Variants in SUPT3H observed in about 807,000 individuals in gnomAD.
The protein encoded by SUPT3H is SPT3 homolog, SAGA and STAGA complex component.
A neutral mutation model predicts 44.3 loss-of-function variants in SUPT3H; 44 were observed. The ratio of observed to expected loss-of-function variants is 0.99; its 90% CI spans 0.78 to 1.28. The LOEUF (loss-of-function observed/expected upper bound fraction) is 1.28. Among genes scored for constraint, SUPT3H ranks in the 50% most tolerant of loss-of-function variants. The probability of loss-of-function intolerance (pLI) is 0.00; values close to 1 mark genes in which losing one functional copy is unlikely to be tolerated. For synonymous variants in SUPT3H, 124 were observed against 125.6 expected (o/e 0.99, Z 0.09); for missense variants, 380 against 387.1 (o/e 0.98, Z 0.15).
rs1781629758 is a variant in SUPT3H at position 45,298,477 on chromosome 6, GA to G, written c.101+66723del. Among the ~76,000 whole-genome samples the G allele has an allele frequency of 3.3e-5, 5 of 151,562 alleles. No individual in the cohort carries two copies. In the East Asian group the frequency reaches 9.7e-4, roughly 29 times the overall value. On this transcript the variant is annotated intron_variant, in intron 2 of 10. Coordinates refer to ENST00000371459, the MANE Select transcript of SUPT3H (RefSeq NM_003599.4). ...CAAAAATCAGAAAAGAGCCTTCCAA[GA>G]TGGGCCTAACACATATGAAGAATAT...
chr6:45,262,120 A>G (rs1003282943), intron 2 of SUPT3H, among the ~76,000 whole-genome samples: 3 of 152,170 alleles, frequency 2.0e-5, no homozygotes, highest in Admixed American at 6.6e-5. Context: ...GGATAGCAAG[A>G]ATCAATATTG....
chr6:44,983,365 CA>C (rs1779365160), intron 6 of SUPT3H, among the ~76,000 whole-genome samples: 1 of 152,038 alleles, frequency 6.6e-6, no homozygotes, highest in African/African-American at 2.4e-5. Flanking sequence ...TTATTGGACA[CA>C]TTTTAAGAAA....
chr6:45,050,195 G>C (rs993486519), intron 3 of SUPT3H, among the ~76,000 whole-genome samples: 7 of 151,918 alleles, frequency 4.6e-5, no homozygotes, highest in African/African-American at 1.7e-4. Context: ...ATCTAGGTAA[G>C]CTATAGCTTA....
intron 2 of SUPT3H, among the ~76,000 whole-genome samples, chr6:45,200,200 C>T (rs1762259772): frequency 6.6e-6 from 1 of 151,396 alleles, no homozygotes; most frequent in African/African-American, 2.4e-5. Context: ...ATTTCTTATT[C>T]AATTCTACAA....
At chr6:45,372,559 T>G (rs1305287932) in intron 1 of SUPT3H, among the ~76,000 whole-genome samples, 4 of 152,236 alleles carry the variant, frequency 2.6e-5, no homozygotes, top group Non-Finnish European at 4.4e-5. Flanking sequence ...TTGTATGTTA[T>G]TTTAGTTTAT....
chr6:45,335,475 T>G (rs753492467), intron 2 of SUPT3H, among the ~76,000 whole-genome samples: 4 of 151,274 alleles, frequency 2.6e-5, no homozygotes, highest in Middle Eastern at 3.2e-3. Context: ...AATTACAATT[T>G]TATTATAAGA....
intron 3 of SUPT3H, among the ~76,000 whole-genome samples, chr6:45,075,872 T>C (rs1297819141): frequency 6.6e-6 from 1 of 152,048 alleles, no homozygotes; most frequent in Non-Finnish European, 1.5e-5. Flanking sequence ...ATAATAATGA[T>C]CTAAAATTAC....
chr6:45,368,410 C>T lies in SUPT3H; in HGVS notation c.1-3109G>A, dbSNP rs558002006. Among the ~76,000 whole-genome samples the T allele has an allele frequency of 6.2e-4, 94 of 152,172 alleles. No homozygotes were observed. In the Middle Eastern group the frequency reaches 0.017, roughly 28 times the overall value. ...TAAAATGAAGGAATTTAAGGATGCA[C>T]GCCTTTCCTCAGAAAATATTGCTAT... On this transcript the variant is annotated intron_variant, in intron 1 of 10. Coordinates refer to ENST00000371459, the MANE Select transcript of SUPT3H (RefSeq NM_003599.4).
intron 2 of SUPT3H, among the ~76,000 whole-genome samples, chr6:45,241,185 A>G (rs1478056776): frequency 6.6e-6 from 1 of 151,712 alleles, no homozygotes; most frequent in East Asian, 1.9e-4. Context: ...GAAACAAAAA[A>G]GGGGGACATG....
chr6:45,135,963 A>C (rs1804213620), intron 2 of SUPT3H, among the ~76,000 whole-genome samples: 2 of 152,206 alleles, frequency 1.3e-5, no homozygotes. Flanking sequence ...TTGATAATAT[A>C]CACAGCAGAG....
chr6:45,187,101 TAAA>T (rs70996308), intron 2 of SUPT3H, among the ~76,000 whole-genome samples: 7,507 of 79,822 alleles, frequency 0.094, 469 homozygotes, highest in African/African-American at 0.18. Flanking sequence ...TTTTCGCCTT[TAAA>T]AAAAAAAAAA....
At chr6:45,346,567 C>CTTTTTTTT (rs71745024) in intron 2 of SUPT3H, among the ~76,000 whole-genome samples, 11 of 140,430 alleles carry the variant, frequency 7.8e-5, no homozygotes, top group Non-Finnish European at 1.1e-4. Flanking sequence ...ATAAACATTT[C>CTTTTTTTT]TTTTTTTTTT....
At chr6:45,135,617 C>T (rs1804151644) in intron 2 of SUPT3H, among the ~76,000 whole-genome samples, 1 of 152,128 alleles carries the variant, frequency 6.6e-6, no homozygotes, top group Non-Finnish European at 1.5e-5. Flanking sequence ...CAAGGATAGT[C>T]TTTACACATA....
At chr6:45,304,154 A>G (rs1345963303) in intron 2 of SUPT3H, among the ~76,000 whole-genome samples, 1 of 152,184 alleles carries the variant, frequency 6.6e-6, no homozygotes, top group Non-Finnish European at 1.5e-5. Context: ...TGCTTTATAA[A>G]TGGAAAAATA....
At chr6:45,018,852 C>T (rs1286404386) in intron 4 of SUPT3H, among the ~76,000 whole-genome samples, 1 of 151,634 alleles carries the variant, frequency 6.6e-6, no homozygotes, top group Non-Finnish European at 1.5e-5. Flanking sequence ...CAGGATGATG[C>T]TGGCCTCATA....
chr6:45,314,423 T>C (rs1473384796), intron 2 of SUPT3H, among the ~76,000 whole-genome samples: 1 of 152,122 alleles, frequency 6.6e-6, no homozygotes, highest in Non-Finnish European at 1.5e-5. Context: ...GCTCCTAGAA[T>C]TGATAAAAGA....
At chr6:45,135,133 A>T (rs577253268) in intron 2 of SUPT3H, among the ~76,000 whole-genome samples, 6 of 152,196 alleles carry the variant, frequency 3.9e-5, no homozygotes, top group Admixed American at 1.3e-4. Context: ...ACAGATGAGT[A>T]GAGTGCCAAG....
At chr6:44,865,366 G>C (rs543639190) in intron 10 of SUPT3H, among the ~76,000 whole-genome samples, 2 of 152,100 alleles carry the variant, frequency 1.3e-5, no homozygotes, top group African/African-American at 4.8e-5. Flanking sequence ...ACATTTTCAG[G>C]TATCTTTTCA....
chr6:45,143,651 C>T (rs1805592297), intron 2 of SUPT3H, among the ~76,000 whole-genome samples: 2 of 151,884 alleles, frequency 1.3e-5, no homozygotes, highest in Admixed American at 1.3e-4. Flanking sequence ...ACTGGAGAAA[C>T]AAGAACAAAC....
Sources: allele counts gnomAD v4.1 joint callset (sites outside exome capture counted in the v4.1 genomes callset), GRCh38; gene constraint gnomAD v4.1.1; transcripts MANE v1.5; gene names NCBI Gene and HGNC (gene_info 2026-07-23, HGNC 2026-07-21).